Variants in SGPP2 observed in about 807,000 individuals in gnomAD.
SGPP2 encodes the protein sphingosine-1-phosphate phosphatase 2.
In SGPP2, 30 loss-of-function variants were observed where a neutral mutation model predicts 33.9. The ratio of observed to expected loss-of-function variants is 0.89; its 90% CI spans 0.66 to 1.20. The LOEUF (loss-of-function observed/expected upper bound fraction) is 1.20, where lower values mean the gene tolerates loss of function less well. Ranked by LOEUF, SGPP2 falls within the 50% of genes most tolerant of loss-of-function variation. The pLI is 0.00. For synonymous variants in SGPP2, 233 were observed against 225.0 expected (o/e 1.04, Z -0.32); for missense variants, 458 against 532.1 (o/e 0.86, Z 1.37).
chr2:222,435,600 A>G (rs1046749340), intron 1 of SGPP2, among the ~76,000 whole-genome samples: 1 of 152,244 alleles, frequency 6.6e-6, no homozygotes, highest in Non-Finnish European at 1.5e-5. Flanking sequence ...TTCATACAAC[A>G]GGAAATTCAC....
chr2:222,527,837 A>T (rs565256842), intron 4 of SGPP2, among the ~76,000 whole-genome samples: 2 of 152,332 alleles, frequency 1.3e-5, no homozygotes, highest in South Asian at 4.1e-4. Context: ...TAATAGTAGG[A>T]TAAGGTAGAA....
At chr2:222,554,222 C>T (rs1689349149) in intron 4 of SGPP2, among the ~76,000 whole-genome samples, 1 of 152,236 alleles carries the variant, frequency 6.6e-6, no homozygotes, top group Non-Finnish European at 1.5e-5. Flanking sequence ...TAAAGAGTAT[C>T]TCTGTATCTG....
At chr2:222,519,759 A>T (rs2106131987) in intron 2 of SGPP2, among the ~76,000 whole-genome samples, 1 of 152,316 alleles carries the variant, frequency 6.6e-6, no homozygotes, top group African/African-American at 2.4e-5. Context: ...AAGTGAGAAC[A>T]TGTGGTATTT....
At chr2:222,431,529 A>AT (rs1452512791) in intron 1 of SGPP2, among the ~76,000 whole-genome samples, 2 of 152,054 alleles carry the variant, frequency 1.3e-5, no homozygotes, top group African/African-American at 4.8e-5. Flanking sequence ...AAGTCTAAAA[A>AT]TTTTACAAGG....
chr2:222,496,965 T>C (rs1698290538), intron 2 of SGPP2, among the ~76,000 whole-genome samples: 1 of 152,238 alleles, frequency 6.6e-6, no homozygotes. Flanking sequence ...AGCACCCATG[T>C]AAAGAGGTCA....
chr2:222,499,090 A>G (rs2106116513), intron 2 of SGPP2, among the ~76,000 whole-genome samples: 1 of 152,386 alleles, frequency 6.6e-6, no homozygotes, highest in Non-Finnish European at 1.5e-5. Context: ...AAATCTGGTA[A>G]GACATTTCAT....
At chr2:222,531,688 G>A (rs1698841337) in intron 4 of SGPP2, among the ~76,000 whole-genome samples, 1 of 152,106 alleles carries the variant, frequency 6.6e-6, no homozygotes, top group Non-Finnish European at 1.5e-5. Flanking sequence ...TTTATGTTAT[G>A]TGTGTGTGTA....
At chr2:222,532,189 A>C (rs372514071) in intron 4 of SGPP2, among the ~76,000 whole-genome samples, 7 of 152,024 alleles carry the variant, frequency 4.6e-5, no homozygotes, top group East Asian at 3.9e-4. Flanking sequence ...CAGGAGAATC[A>C]CTTGAACCTG....
intron 1 of SGPP2, among the ~76,000 whole-genome samples, chr2:222,426,332 A>T (rs1187341330): frequency 6.6e-6 from 1 of 151,992 alleles, no homozygotes; most frequent in African/African-American, 2.4e-5. Flanking sequence ...ACAGGTAGAC[A>T]CGTGAGTTGC....
At chr2:222,484,599 T>C (rs1698076693) in intron 2 of SGPP2, among the ~76,000 whole-genome samples, 1 of 152,202 alleles carries the variant, frequency 6.6e-6, no homozygotes, top group South Asian at 2.1e-4. Flanking sequence ...CCAGCTGTAA[T>C]GTCTTACCGA....
chr2:222,452,320 T>C (rs1697503761), intron 1 of SGPP2: 1 of 630,788 alleles, frequency 1.6e-6, no homozygotes, highest in Non-Finnish European at 2.9e-6. Context: ...AGAAAAATCC[T>C]ATGAGGGAGG....
chr2:222,424,230 C>T (rs1034042702), upstream of SGPP2, among the ~76,000 whole-genome samples: 2 of 145,452 alleles, frequency 1.4e-5, no homozygotes, highest in Non-Finnish European at 3.0e-5. Flanking sequence ...CGCGCTCGGC[C>T]GCTCCCATTA....
intron 4 of SGPP2, among the ~76,000 whole-genome samples, chr2:222,547,048 CAGTTTGAA>C (rs1465770660): frequency 6.6e-6 from 1 of 152,118 alleles, no homozygotes; most frequent in Non-Finnish European, 1.5e-5. Context: ...ATGCAATATA[CAGTTTGAA>C]AAGCACTGAA....
In SGPP2 at chr2:222,521,851, A is replaced by AGACTGATC; in HGVS notation, c.465_472dup (p.Ala158AspfsTer2). The AGACTGATC allele has an allele frequency of 6.2e-7, 1 of 1,611,292 alleles. No individual in the cohort carries two copies. The highest frequency in any genetic ancestry group is 8.5e-7 in the Non-Finnish European group (1 of 1,179,022). On this transcript the variant is annotated frameshift_variant, in exon 3 of 5. Transcript: ENST00000321276. LOFTEE classifies it high-confidence loss of function. ...CCCTCCAGTTGTAAAACTGGAAAAGAGACTGATCGCTGAATATGGAATGCC... is the reference window on the plus strand; with the variant it reads ...CCCTCCAGTTGTAAAACTGGAAAAGAGACTGATCGACTGATCGCTGAATATGGAATGCC...
At chr2:222,524,507 G>A (rs904018362) in intron 3 of SGPP2, among the ~76,000 whole-genome samples, 1 of 152,192 alleles carries the variant, frequency 6.6e-6, no homozygotes, top group Non-Finnish European at 1.5e-5. Context: ...CTCCTTCTAC[G>A]GAGGAGGAGA....
chr2:222,479,743 A>G (rs1189292287), intron 2 of SGPP2, among the ~76,000 whole-genome samples: 1 of 152,082 alleles, frequency 6.6e-6, no homozygotes, highest in Non-Finnish European at 1.5e-5. Flanking sequence ...CTAGTGTTCC[A>G]TTATTGGAAC....
chr2:222,514,649 A>G (rs997482342), intron 2 of SGPP2, among the ~76,000 whole-genome samples: 1 of 152,222 alleles, frequency 6.6e-6, no homozygotes, highest in Non-Finnish European at 1.5e-5. Flanking sequence ...CTCTCAACTC[A>G]GAGGATTACA....
chr2:222,442,022 G>A (rs1376081229), intron 1 of SGPP2, among the ~76,000 whole-genome samples: 4 of 152,174 alleles, frequency 2.6e-5, no homozygotes, highest in Non-Finnish European at 4.4e-5. Flanking sequence ...GCAACCACAT[G>A]AAATGCTAAG....
chr2:222,464,963 G>C (rs913769498), intron 1 of SGPP2, among the ~76,000 whole-genome samples: 1 of 152,174 alleles, frequency 6.6e-6, no homozygotes, highest in Non-Finnish European at 1.5e-5. Flanking sequence ...ATGTTCAGAG[G>C]ATGAGCTGAA....
Sources: allele counts gnomAD v4.1 joint callset (sites outside exome capture counted in the v4.1 genomes callset), GRCh38; gene constraint gnomAD v4.1.1; transcripts MANE v1.5; gene names NCBI Gene and HGNC (gene_info 2026-07-23, HGNC 2026-07-21).